Variants in SCHIP1 observed in about 807,000 individuals in gnomAD.
SCHIP1 encodes the protein schwannomin interacting protein 1.
SCHIP1 carries 8 observed loss-of-function variants against 29.7 expected under a neutral mutation model. That is an observed-to-expected ratio of 0.27 (90% CI 0.16 to 0.49). The LOEUF is 0.49. SCHIP1 is among the 20% of genes least tolerant of loss of function. The probability of loss-of-function intolerance (pLI) is 0.99; values close to 1 mark genes in which losing one functional copy is unlikely to be tolerated. For missense variants in SCHIP1, 193 were observed against 294.6 expected, an observed-to-expected ratio of 0.66 and a Z score of 2.52; for synonymous variants, 76 against 94.9, an observed-to-expected ratio of 0.80 and a Z score of 1.16.
At chr3:159,489,816 CAT>C in the SCHIP1 span, among the ~76,000 whole-genome samples, 1 of 151,986 alleles carries the variant, frequency 6.6e-6, no homozygotes, top group Admixed American at 6.6e-5. Flanking sequence ...AATTCTAAGA[CAT>C]GTTGATAAAC....
At chr3:159,860,284 A>G (rs1431558231) in intron 1 of SCHIP1, among the ~76,000 whole-genome samples, 1 of 152,220 alleles carries the variant, frequency 6.6e-6, no homozygotes, top group Non-Finnish European at 1.5e-5. Flanking sequence ...CCAGTGTAAA[A>G]GACAGAGAAA....
chr3:159,735,087 G>T, the SCHIP1 span, among the ~76,000 whole-genome samples: 8,036 of 152,002 alleles, frequency 0.053, 483 homozygotes, highest in African/African-American at 0.15. Flanking sequence ...TTACTCCATA[G>T]TCTTAAAGAA....
chr3:159,754,940 AAAAG>A, the SCHIP1 span, among the ~76,000 whole-genome samples: 3 of 152,202 alleles, frequency 2.0e-5, no homozygotes, highest in Non-Finnish European at 4.4e-5. Context: ...CGCAATTTAC[AAAAG>A]AAAGAGGCTG....
chr3:159,637,327 G>T, the SCHIP1 span, among the ~76,000 whole-genome samples: 1 of 149,356 alleles, frequency 6.7e-6, no homozygotes. Flanking sequence ...GATAATTTCA[G>T]CAAAACCTGA....
the SCHIP1 span, among the ~76,000 whole-genome samples, chr3:159,287,043 C>G: frequency 2.6e-5 from 4 of 152,018 alleles, no homozygotes; most frequent in South Asian, 4.1e-4. Context: ...GTGATAGTTT[C>G]TTTTACTGTG....
the SCHIP1 span, among the ~76,000 whole-genome samples, chr3:159,426,443 A>T: frequency 6.6e-6 from 1 of 152,240 alleles, no homozygotes; most frequent in Non-Finnish European, 1.5e-5. Context: ...GAAGAAATGG[A>T]TACATTCCTC....
the SCHIP1 span, among the ~76,000 whole-genome samples, chr3:159,396,241 T>C: frequency 1.3e-5 from 2 of 151,660 alleles, no homozygotes; most frequent in South Asian, 2.1e-4. Context: ...GTTTCCTGAA[T>C]ACAGCACACT....
the SCHIP1 span, among the ~76,000 whole-genome samples, chr3:159,753,132 A>C: frequency 1.3e-5 from 2 of 152,148 alleles, no homozygotes; most frequent in East Asian, 3.9e-4. Flanking sequence ...ATCCGTTAGG[A>C]CTAGAAACTT....
chr3:159,815,997 G>A, the SCHIP1 span, among the ~76,000 whole-genome samples: 4 of 149,204 alleles, frequency 2.7e-5, no homozygotes, highest in Admixed American at 2.7e-4. Flanking sequence ...CGCCCAGGCA[G>A]GAGTGCAGTG....
chr3:159,720,702 A>C, the SCHIP1 span, among the ~76,000 whole-genome samples: 1 of 151,954 alleles, frequency 6.6e-6, no homozygotes, highest in African/African-American at 2.4e-5. Context: ...CTCCCGCCTC[A>C]GCCTCCCAAG....
the SCHIP1 span, among the ~76,000 whole-genome samples, chr3:159,575,072 G>A: frequency 6.6e-6 from 1 of 152,196 alleles, no homozygotes; most frequent in Non-Finnish European, 1.5e-5. Flanking sequence ...GTGAGGTGAT[G>A]CCCCGCCCTG....
the SCHIP1 span, among the ~76,000 whole-genome samples, chr3:159,343,759 A>G: frequency 1.3e-5 from 2 of 152,182 alleles, no homozygotes; most frequent in Non-Finnish European, 2.9e-5. Flanking sequence ...TACTTGGACA[A>G]TGCTATAGAT....
At chr3:159,489,008 AAGTGTTG>A in the SCHIP1 span, among the ~76,000 whole-genome samples, 1 of 152,142 alleles carries the variant, frequency 6.6e-6, no homozygotes, top group East Asian at 1.9e-4. Flanking sequence ...CCAAATTCAT[AAGTGTTG>A]AGCTAACGTA....
At position 159,866,388 on chromosome 3, in the gene SCHIP1, C is replaced by T. The variant is rs534686734; in HGVS notation, c.149+107C>T. On this transcript the variant is annotated intron_variant, in intron 2 of 6. Coordinates refer to ENST00000445224, the Ensembl canonical transcript of SCHIP1. ...AAATCTTCTGTAGTTTTTTTTTCCC[C>T]CTCGCATAATACTGCCATCTTTATT... 1.0e-5 allele frequency: 11 copies of T among 1,057,690 alleles called. No homozygotes were observed. The Admixed American group carries it at 2.7e-4, about 26-fold the overall frequency. 65.5% of individuals were successfully genotyped at this position (1,057,690 alleles called of 1,614,324 possible). A position where few individuals can be genotyped will look rare whatever the true frequency, so the allele number is the denominator to read the frequency against.
At chr3:159,586,091 CAACTT>C in the SCHIP1 span, among the ~76,000 whole-genome samples, 399 of 151,914 alleles carry the variant, frequency 2.6e-3, 10 homozygotes, top group East Asian at 0.057. Flanking sequence ...GGTTTTTCCT[CAACTT>C]AAATCTGCTA....
At chr3:159,396,006 G>C in the SCHIP1 span, among the ~76,000 whole-genome samples, 1 of 151,908 alleles carries the variant, frequency 6.6e-6, no homozygotes, top group Non-Finnish European at 1.5e-5. Context: ...GGGTGCTCCT[G>C]TGTTGGGTGC....
At chr3:159,795,876 C>G in the SCHIP1 span, among the ~76,000 whole-genome samples, 2 of 152,108 alleles carry the variant, frequency 1.3e-5, no homozygotes, top group Non-Finnish European at 2.9e-5. Flanking sequence ...GGCTGTGGAG[C>G]AATGTTTCTC....
chr3:159,667,830 GAACTA>G, the SCHIP1 span, among the ~76,000 whole-genome samples: 1 of 152,176 alleles, frequency 6.6e-6, no homozygotes, highest in African/African-American at 2.4e-5. Flanking sequence ...AGTACACATA[GAACTA>G]AACAAGAGTT....
the SCHIP1 span, among the ~76,000 whole-genome samples, chr3:159,491,762 C>G: frequency 2.6e-5 from 4 of 152,180 alleles, no homozygotes; most frequent in African/African-American, 9.7e-5. Context: ...AGTGGTTCTC[C>G]CAGCATGCAG....
Sources: gnomAD v4.1 joint callset for allele counts (sites outside exome capture counted in the v4.1 genomes callset) on GRCh38, gnomAD v4.1.1 for gene constraint, MANE v1.5 for transcripts, NCBI Gene and HGNC (gene_info 2026-07-23, HGNC 2026-07-21) for gene names.